The following ACSM3 variants were observed in gnomAD, a reference collection of about 807,000 sequenced individuals.
The protein encoded by ACSM3 is acyl-CoA synthetase medium chain family member 3.
In ACSM3, 61 loss-of-function variants were observed where a neutral mutation model predicts 74.1. The ratio of observed to expected loss-of-function variants is 0.82; its 90% CI spans 0.67 to 1.02. The LOEUF (loss-of-function observed/expected upper bound fraction) is 1.02. Among genes scored for constraint, ACSM3 ranks in the 50% least tolerant of loss-of-function variants. The pLI is 0.00. For synonymous variants in ACSM3, 213 were observed against 241.5 expected (o/e 0.88, Z 1.09); for missense variants, 660 against 697.0 (o/e 0.95, Z 0.60).
At chr16:20,777,305 T>C in intron 3 of ACSM3, 68 bp from the exon 4 acceptor site, 1 of 1,382,418 alleles carries the variant, frequency 7.2e-7, no homozygotes, top group Non-Finnish European at 1.0e-6. Flanking sequence ...ATAGATGGTA[T>C]CTACACTACT....
intron 1 of ACSM3, among the ~76,000 whole-genome samples, chr16:20,689,216 AGTT>A (rs1219436098): frequency 1.3e-5 from 2 of 151,942 alleles, no homozygotes; most frequent in African/African-American, 4.8e-5. Context: ...ATTAAAATTA[AGTT>A]GTTATCAGTA....
chr16:20,785,100 C>T lies in ACSM3; in HGVS notation c.1136C>T (p.Thr379Ile), dbSNP rs1250419272. The change falls in exon 8 of 14, where the codon ACT becomes ATT. Residue 379 changes from threonine (T) to isoleucine (I), a missense_variant. Physicochemically the swap from Thr to Ile is moderately conservative, Grantham distance 89. Coordinates refer to ENST00000289416, the MANE Select transcript of ACSM3 (RefSeq NM_005622.4). ...GLDIYEGYGQ[T>I]ETVLICGNFK... Reference sequence around the variant, plus strand: ...GATATCTACGAAGGATATGGACAGACTGAAACGGTACCTGACCTCACTGAA... The same window carrying T: ...GATATCTACGAAGGATATGGACAGATTGAAACGGTACCTGACCTCACTGAA... The T allele has an allele frequency of 6.2e-7, 1 of 1,613,136 alleles. No homozygotes were observed. The highest frequency in any genetic ancestry group is 8.5e-7 in the Non-Finnish European group (1 of 1,179,428).
At position 20,797,138 on chromosome 16, in the gene ACSM3, A is replaced by G; in HGVS notation, c.*166A>G. ...ATCAGAGGCTAAATTTTGAAATAAA[A>G]TATTTGGCAAATTCCTCCACATTAG... On this transcript the variant is annotated 3_prime_UTR_variant, in exon 14 of 14. Transcript: ENST00000289416. The G allele has an allele frequency of 7.3e-7, 1 of 1,364,598 alleles. No homozygotes were observed. The allele number at this position is 1,364,598 out of a possible 1,614,324, so 84.5% of individuals were successfully genotyped here.
At chr16:20,677,123 G>C (rs1333983182) in intron 1 of ACSM3, among the ~76,000 whole-genome samples, 4 of 151,746 alleles carry the variant, frequency 2.6e-5, no homozygotes, top group African/African-American at 7.3e-5. Context: ...AGGTTCTGCT[G>C]CATTTAGATC....
At chr16:20,776,430 C>A (rs2080256425) in intron 3 of ACSM3, among the ~76,000 whole-genome samples, 1 of 152,196 alleles carries the variant, frequency 6.6e-6, no homozygotes, top group East Asian at 1.9e-4. Flanking sequence ...GTTCCCCAAT[C>A]TTCTTGCCTA....
chr16:20,715,743 C>T (rs553653785), intron 1 of ACSM3, among the ~76,000 whole-genome samples: 7 of 152,312 alleles, frequency 4.6e-5, no homozygotes, highest in African/African-American at 1.4e-4. Flanking sequence ...CTACGATACA[C>T]CAGTTTCAAA....
chr16:20,765,065 G>A (rs1051513562), intron 1 of ACSM3, among the ~76,000 whole-genome samples: 3 of 152,176 alleles, frequency 2.0e-5, no homozygotes, highest in Non-Finnish European at 2.9e-5. Flanking sequence ...GAGCTGTGGG[G>A]AGGCTAAAGC....
In ACSM3 at chr16:20,744,550, A is replaced by G. The variant is rs1484742966; in HGVS notation, c.-189-5360A>G. Among the ~76,000 whole-genome samples, 3 of 151,990 alleles carry G rather than the reference A, an allele frequency of 2.0e-5. No individual in the cohort carries two copies. The East Asian group carries it at 5.8e-4, about 29-fold the overall frequency. On this transcript the variant is annotated intron_variant, in intron 1 of 3. Transcript: ENST00000561584. ...CCTGTGCATGCCACCACGGCCAACT[A>G]ATTTTTGTATTTTTAGTAGATATGG...
chr16:20,747,506 A>G (rs28599819), intron 1 of ACSM3, among the ~76,000 whole-genome samples: 2,723 of 152,332 alleles, frequency 0.018, 79 homozygotes, highest in African/African-American at 0.062. Flanking sequence ...TTCAGGGCTC[A>G]GCCTTTGGGT....
chr16:20,725,436 T>G, intron 1 of ACSM3: 1 of 233,946 alleles, frequency 4.3e-6, no homozygotes, highest in Non-Finnish European at 9.4e-6. Flanking sequence ...AAAAAGACCT[T>G]AAGAGGTACT....
At chr16:20,728,685 T>C (rs1377120885) in intron 1 of ACSM3, among the ~76,000 whole-genome samples, 1 of 149,876 alleles carries the variant, frequency 6.7e-6, no homozygotes, top group East Asian at 2.0e-4. Flanking sequence ...GCAGTGGTTA[T>C]CCTCAGAAAG....
At chr16:20,745,011 G>A (rs968346910) in intron 1 of ACSM3, among the ~76,000 whole-genome samples, 1 of 152,214 alleles carries the variant, frequency 6.6e-6, no homozygotes, top group African/African-American at 2.4e-5. Flanking sequence ...CAGTCTAGAC[G>A]TTAGTTATCT....
chr16:20,769,995 T>C lies in ACSM3; in HGVS notation c.-40T>C, dbSNP rs752932609. Reference sequence around the variant, plus strand: ...TGCTTGTCTTTTAGATGAACTGGTCTCTGTGCAAATCCTGAGTGCTAAAGC... The same window carrying C: ...TGCTTGTCTTTTAGATGAACTGGTCCCTGTGCAAATCCTGAGTGCTAAAGC... On this transcript the variant is annotated 5_prime_UTR_variant, in exon 2 of 14. Coordinates refer to ENST00000289416, the MANE Select transcript of ACSM3 (RefSeq NM_005622.4). The C allele has an allele frequency of 6.9e-6, 11 of 1,596,052 alleles. No homozygotes were observed. In the South Asian group the frequency reaches 1.1e-4, roughly 16 times the overall value.
chr16:20,744,324 C>G (rs930133124), intron 1 of ACSM3, among the ~76,000 whole-genome samples: 1 of 152,214 alleles, frequency 6.6e-6, no homozygotes, highest in African/African-American at 2.4e-5. Flanking sequence ...GTAGCCAAAT[C>G]TCAGCCAAGC....
Position 20,792,126 on chromosome 16 carries a change from CTGGG to C in ACSM3, c.1453_1454+2del. 1 of 1,614,116 alleles carries C rather than the reference CTGGG, an allele frequency of 6.2e-7. No homozygotes were observed. The highest frequency in any genetic ancestry group is 8.5e-7 in the Non-Finnish European group (1 of 1,180,000). On this transcript the variant is annotated splice_donor_variant and coding_sequence_variant, in exon 11 of 14. Transcript: ENST00000289416. LOFTEE classifies it high-confidence loss of function. Reference sequence around the variant, plus strand: ...AGAGCAGATGATGTCATATTATCCTCTGGGTAACTTTCTTTTCCATATGTGCATA... The same window carrying C: ...AGAGCAGATGATGTCATATTATCCTCTAACTTTCTTTTCCATATGTGCATA...
At chr16:20,740,197 A>G (rs2152420932) in intron 1 of ACSM3, among the ~76,000 whole-genome samples, 1 of 152,360 alleles carries the variant, frequency 6.6e-6, no homozygotes, top group Non-Finnish European at 1.5e-5. Context: ...ATTTGACACC[A>G]GCCTGGACAA....
At chr16:20,714,640 A>G (rs2079754769) in intron 1 of ACSM3, among the ~76,000 whole-genome samples, 1 of 152,152 alleles carries the variant, frequency 6.6e-6, no homozygotes, top group Admixed American at 6.5e-5. Context: ...AGAAAGAGTC[A>G]AGGTTGATCT....
rs1220187682 is a variant in ACSM3, at chr16:20,790,071, C to T, written c.1225-516C>T. ...AAAATTTTTAAAAAATTTTATCCTG[C>T]GTTCACATGTTGGTAACCTGTATTT... is the stretch of plus-strand genomic sequence containing the variant. On this transcript the variant is annotated intron_variant, in intron 9 of 13. Coordinates refer to ENST00000289416, the MANE Select transcript of ACSM3 (RefSeq NM_005622.4). The surrounding 1 kb of genome is among the most constrained non-coding windows in gnomAD (Gnocchi z 4.0). Among the ~76,000 whole-genome samples, 1 of 152,048 alleles carries T rather than the reference C, an allele frequency of 6.6e-6. No homozygotes were observed. Among genetic ancestry groups the T allele is most frequent in the African/African-American group, 2.4e-5 (1 of 41,368 alleles).
chr16:20,782,208 C>A (rs1040970828), intron 7 of ACSM3, among the ~76,000 whole-genome samples: 6 of 152,172 alleles, frequency 3.9e-5, no homozygotes, highest in East Asian at 3.8e-4. Flanking sequence ...AGAAAAACAA[C>A]CCCCGTTTCT....
Sources: allele counts gnomAD v4.1 joint callset (sites outside exome capture counted in the v4.1 genomes callset), GRCh38; gene constraint gnomAD v4.1.1; non-coding constraint Gnocchi (gnomAD v3.1); transcripts MANE v1.5; gene names NCBI Gene and HGNC (gene_info 2026-07-23, HGNC 2026-07-21).